Variants in ANP32A observed in about 807,000 individuals in gnomAD.
ANP32A encodes acidic leucine-rich nuclear phosphoprotein 32 family member A.
A neutral mutation model predicts 33.9 loss-of-function variants in ANP32A; 1 was observed. That is an observed-to-expected ratio of 0.03 (90% CI 0.01 to 0.14). The LOEUF is 0.14. ANP32A is among the 10% of genes least tolerant of loss of function. The pLI, the probability that ANP32A is intolerant of heterozygous loss-of-function variation, is 1.00. For missense variants in ANP32A, 155 were observed against 306.0 expected, an observed-to-expected ratio of 0.51 and a Z score of 3.68; for synonymous variants, 115 against 120.5, an observed-to-expected ratio of 0.95 and a Z score of 0.30.
intron 5 of ANP32A, among the ~76,000 whole-genome samples, chr15:68,782,526 TC>T (rs1306728491): frequency 2.6e-5 from 4 of 152,304 alleles, no homozygotes; most frequent in Non-Finnish European, 5.9e-5. Context: ...ATAGTGTCAC[TC>T]TCTGATTTGG....
chr15:68,807,430 G>GA (rs957233924), intron 1 of ANP32A, among the ~76,000 whole-genome samples: 2 of 147,256 alleles, frequency 1.4e-5, no homozygotes, highest in Non-Finnish European at 3.1e-5. Context: ...CAGAAAACGG[G>GA]GGGGGGGGAG....
At chr15:68,819,699 C>T in intron 1 of ANP32A, among the ~76,000 whole-genome samples, 1 of 152,232 alleles carries the variant, frequency 6.6e-6, no homozygotes, top group East Asian at 1.9e-4. Context: ...GGCACCAGGG[C>T]CCAAAGGCTG....
chr15:68,819,401 G>A (rs1189766261), intron 1 of ANP32A, among the ~76,000 whole-genome samples: 1 of 152,196 alleles, frequency 6.6e-6, no homozygotes, highest in Non-Finnish European at 1.5e-5. Context: ...CCCTCCTCAG[G>A]GGTAAGCTTT....
At chr15:68,817,569 G>A (rs1383351876) in intron 1 of ANP32A, 2 of 152,376 alleles carry the variant, frequency 1.3e-5, no homozygotes, top group Non-Finnish European at 2.9e-5. Context: ...TCCGCCGAAA[G>A]AGCAAACACC....
chr15:68,784,627 T>C (rs769844288), intron 3 of ANP32A, 32 bp from the exon 4 acceptor site: 27 of 1,611,256 alleles, frequency 1.7e-5, no homozygotes, highest in Admixed American at 3.3e-5. Flanking sequence ...CAACAGTAAG[T>C]GATTTGTGGG....
At chr15:68,807,678 A>G (rs2924631) in intron 1 of ANP32A, among the ~76,000 whole-genome samples, 18,251 of 152,078 alleles carry the variant, frequency 0.12, 2,342 homozygotes, top group African/African-American at 0.31. Context: ...GGCATAAACG[A>G]TATTTCTTTC....
intron 1 of ANP32A, chr15:68,791,552 C>CTGGCTCAGATGACGCTGCAG (rs1335621719): frequency 6.5e-6 from 1 of 152,854 alleles, no homozygotes; most frequent in Non-Finnish European, 1.5e-5. Context: ...TAACCCTGCC[C>CTGGCTCAGATGACGCTGCAG]TGGCTCAGAT....
intron 1 of ANP32A, among the ~76,000 whole-genome samples, chr15:68,801,628 C>T (rs1045678219): frequency 1.3e-5 from 2 of 152,162 alleles, no homozygotes; most frequent in African/African-American, 4.8e-5. Flanking sequence ...AGGTATTATG[C>T]AACTGATTCC....
intron 1 of ANP32A, among the ~76,000 whole-genome samples, chr15:68,811,178 G>T (rs923526701): frequency 1.3e-5 from 2 of 152,068 alleles, no homozygotes; most frequent in African/African-American, 4.8e-5. Context: ...GACTTCACGT[G>T]GTGGAGTAAG....
Position 68,779,920 on chromosome 15 carries a change from C to G in ANP32A, c.*161G>C. 4 of 494,930 alleles carry G rather than the reference C, an allele frequency of 8.1e-6. No homozygotes were observed. In the South Asian group the frequency reaches 9.3e-5, roughly 12 times the overall value. 30.7% of individuals were successfully genotyped at this position (494,930 alleles called of 1,614,324 possible). A position where few individuals can be genotyped will look rare whatever the true frequency, so the allele number is the denominator to read the frequency against. The stretch of plus-strand genomic sequence containing the variant: ...TTCCACCCCCACCCGCCATCCCTCC[C>G]CCCGCAACCCCCAGTACACTCTTCC... On this transcript the variant is annotated 3_prime_UTR_variant, in exon 7 of 7. Coordinates refer to ENST00000465139, the MANE Select transcript of ANP32A (RefSeq NM_006305.4).
intron 1 of ANP32A, chr15:68,817,295 G>T (rs949046782): frequency 7.9e-5 from 12 of 152,374 alleles, no homozygotes; most frequent in African/African-American, 2.6e-4. Context: ...AAAAATAAAA[G>T]GGGGAAGGAG....
chr15:68,781,612 T>G (rs1893868287), intron 5 of ANP32A: 1 of 151,888 alleles, frequency 6.6e-6, no homozygotes, highest in Non-Finnish European at 1.5e-5. Context: ...GCCAGCTTTT[T>G]TTTTTTTTTT....
rs769104209 is a variant in ANP32A, at chr15:68,820,769, T to C, written c.-18A>G. 19 of 1,613,738 alleles carry C rather than the reference T, an allele frequency of 1.2e-5. No homozygotes were observed. The highest frequency in any genetic ancestry group is 1.6e-5 in the Non-Finnish European group (19 of 1,179,834). On this transcript the variant is annotated 5_prime_UTR_variant, in exon 1 of 7. Coordinates refer to ENST00000465139, the MANE Select transcript of ANP32A (RefSeq NM_006305.4). ...ATCTCCATCTCTCGCGCTCTCTCTC[T>C]GCAGAGGCTCCCGCGCCGGCGGAAT... is the stretch of plus-strand genomic sequence containing the variant.
intron 1 of ANP32A, among the ~76,000 whole-genome samples, chr15:68,806,386 T>C (rs1272148592): frequency 1.3e-5 from 2 of 152,168 alleles, no homozygotes; most frequent in Admixed American, 6.5e-5. Flanking sequence ...GGAAGACTCC[T>C]GAGTGCCTAC....
intron 1 of ANP32A, among the ~76,000 whole-genome samples, chr15:68,818,517 C>T (rs1009208081): frequency 6.6e-6 from 1 of 152,110 alleles, no homozygotes; most frequent in African/African-American, 2.4e-5. Context: ...CGCCCCACCC[C>T]GCCTCCAGGC....
At chr15:68,806,843 T>TGGAA (rs1894235039) in intron 1 of ANP32A, among the ~76,000 whole-genome samples, 1 of 152,204 alleles carries the variant, frequency 6.6e-6, no homozygotes, top group Non-Finnish European at 1.5e-5. Context: ...ACCCTCCATA[T>TGGAA]GGAACAGCCC....
chr15:68,805,721 A>G (rs1894210356), intron 1 of ANP32A, among the ~76,000 whole-genome samples: 1 of 152,200 alleles, frequency 6.6e-6, no homozygotes, highest in Non-Finnish European at 1.5e-5. Context: ...TGGGGTCAGA[A>G]GTCCAGTGTA....
At chr15:68,795,755 T>G (rs1437874625) in intron 1 of ANP32A, among the ~76,000 whole-genome samples, 1 of 152,190 alleles carries the variant, frequency 6.6e-6, no homozygotes, top group Non-Finnish European at 1.5e-5. Flanking sequence ...GCTGGGCCCC[T>G]CCCTGATATT....
Position 68,809,887 on chromosome 15 carries a change from C to G in ANP32A, c.54+10811G>C, listed in dbSNP as rs78040578. On this transcript the variant is annotated intron_variant, in intron 1 of 6. Coordinates refer to ENST00000465139, the MANE Select transcript of ANP32A (RefSeq NM_006305.4). ...CAATGATGAGCAAAAGCAAGTCCCTCAAATCGTGCAGTGCACCCATTAGGC... is the reference window on the plus strand; with the variant it reads ...CAATGATGAGCAAAAGCAAGTCCCTGAAATCGTGCAGTGCACCCATTAGGC... Among the ~76,000 whole-genome samples the G allele has an allele frequency of 7.2e-3, 1,091 of 152,350 alleles. 15 individuals are homozygous for G. Among genetic ancestry groups the G allele is most frequent in the African/African-American group, 0.025 (1,027 of 41,574 alleles).
Sources: gnomAD v4.1 joint callset for allele counts (sites outside exome capture counted in the v4.1 genomes callset) on GRCh38, gnomAD v4.1.1 for gene constraint, MANE v1.5 for transcripts, NCBI Gene and HGNC (gene_info 2026-07-23, HGNC 2026-07-21) for gene names.